Variants in ZNF730 observed in about 807,000 individuals in gnomAD.
ZNF730 encodes the protein putative zinc finger protein 730.
ZNF730 carries 12 observed loss-of-function variants against 12.6 expected under a neutral mutation model. The ratio of observed to expected loss-of-function variants is 0.95; its 90% confidence interval spans 0.61 to 1.54. ZNF730 has a LOEUF of 1.54. Ranked by LOEUF, ZNF730 falls within the 40% of genes most tolerant of loss-of-function variation. The pLI, the probability that ZNF730 is intolerant of heterozygous loss-of-function variation, is 0.00. For synonymous variants in ZNF730, 194 were observed against 195.8 expected (o/e 0.99, Z 0.08); for missense variants, 643 against 583.5 (o/e 1.10, Z -1.05).
intron 1 of ZNF730, chr19:23,095,699 G>A (rs11672966): frequency 0.05 from 18,169 of 363,164 alleles, 609 homozygotes; most frequent in African/African-American, 0.12. Flanking sequence ...CTGCCTACAA[G>A]GTGCATTGTG....
intron 1 of ZNF730, 141 bp from the exon 2 acceptor site, chr19:23,133,939 C>T (rs1196465405): frequency 4.3e-6 from 4 of 924,638 alleles, no homozygotes; most frequent in Admixed American, 3.0e-5. Context: ...GAGAATATTT[C>T]TGTGTTGAAG....
At chr19:23,080,838 TTTTC>T (rs1487642680) in intron 1 of ZNF730, among the ~76,000 whole-genome samples, 3 of 145,332 alleles carry the variant, frequency 2.1e-5, no homozygotes, top group Non-Finnish European at 4.5e-5. Context: ...TTTGTTTCTT[TTTTC>T]TTTTCTTTTT....
intron 1 of ZNF730, chr19:23,127,685 GA>G: frequency 8.1e-7 from 1 of 1,237,070 alleles, no homozygotes; most frequent in Non-Finnish European, 1.2e-6. Context: ...AAGAGCATCA[GA>G]AATGTCCACC....
intron 1 of ZNF730, among the ~76,000 whole-genome samples, chr19:23,108,117 C>G (rs1297085880): frequency 6.6e-6 from 1 of 152,142 alleles, no homozygotes; most frequent in African/African-American, 2.4e-5. Flanking sequence ...AAGGCCATGA[C>G]TTAGCAGCAA....
At chr19:23,122,778 T>C (rs62122975) in intron 1 of ZNF730, among the ~76,000 whole-genome samples, 6,031 of 152,338 alleles carry the variant, frequency 0.04, 134 homozygotes, top group East Asian at 0.11. Flanking sequence ...GCTACAATAT[T>C]TGAATAAATC....
At chr19:23,082,704 T>C (rs1208524986) in intron 1 of ZNF730, among the ~76,000 whole-genome samples, 1 of 151,900 alleles carries the variant, frequency 6.6e-6, no homozygotes, top group African/African-American at 2.4e-5. Flanking sequence ...CATTTTCTTT[T>C]TTCATTTTTT....
At position 23,102,792 on chromosome 19, in the gene ZNF730, G is replaced by A. The variant is rs1318919986; in HGVS notation, c.-94+27405G>A. On this transcript the variant is annotated intron_variant, in intron 1 of 2. Coordinates refer to the ZNF730 transcript ENST00000593635. ...ATTACAGGCATGAGCCACCGTGCCC[G>A]GCCACAAGTGTGGTGGTGACTCTCA... 2.0e-5 allele frequency among the ~76,000 whole-genome samples: 3 copies of A among 152,248 alleles called. No homozygotes were observed. In the East Asian group the frequency reaches 5.8e-4, roughly 29 times the overall value.
chr19:23,106,581 C>T (rs918589565), intron 1 of ZNF730, among the ~76,000 whole-genome samples: 8 of 152,020 alleles, frequency 5.3e-5, no homozygotes, highest in African/African-American at 1.9e-4. Context: ...CACCTGAGGT[C>T]GAGAATTTGA....
chr19:23,081,749 C>T (rs574277565), intron 1 of ZNF730, among the ~76,000 whole-genome samples: 12 of 152,224 alleles, frequency 7.9e-5, no homozygotes, highest in African/African-American at 2.9e-4. Flanking sequence ...GCCAACACAC[C>T]CAGCCTTATC....
In ZNF730 at chr19:23,145,689, C is replaced by T. The variant is rs142122638; in HGVS notation, c.645C>T (p.Asn215=). 1.3e-6 allele frequency: 2 copies of T among 1,556,090 alleles called. No individual in the cohort carries two copies. Among genetic ancestry groups the T allele is most frequent in the Non-Finnish European group, 1.7e-6 (2 of 1,151,392 alleles). ...EYGKAFNESS[N]CTTHKRITEK... is the part of the protein sequence containing the mutation. ...GCAAAGCCTTTAATGAGTCCTCAAA[C>T]TGTACTACACATAAAAGAATTACTG... Residue 215 remains asparagine (N), a synonymous_variant, in exon 4 of 4, where the codon AAC becomes AAT. Transcript: ENST00000597761.
intron 1 of ZNF730, among the ~76,000 whole-genome samples, chr19:23,085,001 T>C (rs2145456689): frequency 6.6e-6 from 1 of 152,320 alleles, no homozygotes; most frequent in Non-Finnish European, 1.5e-5. Flanking sequence ...ACTGGTCAAA[T>C]GTTATTTCTG....
At chr19:23,131,328 C>G (rs192605980) in intron 1 of ZNF730, among the ~76,000 whole-genome samples, 1 of 152,236 alleles carries the variant, frequency 6.6e-6, no homozygotes, top group African/African-American at 2.4e-5. Context: ...CACTTAGTAT[C>G]AACACACAGG....
chr19:23,138,970 C>A (rs897123286), intron 3 of ZNF730, among the ~76,000 whole-genome samples: 2 of 152,116 alleles, frequency 1.3e-5, no homozygotes, highest in South Asian at 4.1e-4. Flanking sequence ...TGATGTCACT[C>A]TCCCTGTACA....
chr19:23,118,212 G>GAAAACAA (rs1233914686), intron 1 of ZNF730, among the ~76,000 whole-genome samples: 1 of 151,998 alleles, frequency 6.6e-6, no homozygotes, highest in Non-Finnish European at 1.5e-5. Flanking sequence ...CATTTAAAAA[G>GAAAACAA]ATTTGTTTTC....
chr19:23,085,527 T>TTTTTTTA (rs1491162855), intron 1 of ZNF730, among the ~76,000 whole-genome samples: 1 of 84,258 alleles, frequency 1.2e-5, no homozygotes, highest in African/African-American at 4.5e-5. Context: ...TTTTTTTTTT[T>TTTTTTTA]AAATATAGAC....
chr19:23,079,093 A>C (rs1969918409), intron 1 of ZNF730, among the ~76,000 whole-genome samples: 1 of 151,344 alleles, frequency 6.6e-6, no homozygotes, highest in Admixed American at 6.6e-5. Context: ...GGCGTGAGCC[A>C]CTGTACCCGG....
At chr19:23,090,823 C>T (rs1173250419) in intron 1 of ZNF730, among the ~76,000 whole-genome samples, 1 of 151,924 alleles carries the variant, frequency 6.6e-6, no homozygotes, top group Non-Finnish European at 1.5e-5. Context: ...ATGGTGAAAC[C>T]CCATCTCTAC....
At chr19:23,142,850 AT>A (rs1970944349) in intron 3 of ZNF730, among the ~76,000 whole-genome samples, 2 of 150,678 alleles carry the variant, frequency 1.3e-5, no homozygotes, top group Non-Finnish European at 3.0e-5. Flanking sequence ...TGTCTTTTTG[AT>A]TTTTGTATTG....
chr19:23,142,624 C>G (rs1038424186), intron 3 of ZNF730, among the ~76,000 whole-genome samples: 1 of 143,932 alleles, frequency 6.9e-6, no homozygotes, highest in South Asian at 2.2e-4. Flanking sequence ...GGAGGTGGAG[C>G]TTGCAGTGAG....
Sources: gnomAD v4.1 joint callset for allele counts (sites outside exome capture counted in the v4.1 genomes callset) on GRCh38, gnomAD v4.1.1 for gene constraint, MANE v1.5 for transcripts, NCBI Gene and HGNC (gene_info 2026-07-23, HGNC 2026-07-21) for gene names.